TRHDE: variants seen among roughly 807,000 people sequenced by gnomAD.
TRHDE encodes thyrotropin-releasing hormone-degrading ectoenzyme.
Under a neutral mutation model 125.7 loss-of-function variants are expected in TRHDE, and 72 were observed. That is an observed-to-expected ratio of 0.57 (90% CI 0.47 to 0.70). The LOEUF (loss-of-function observed/expected upper bound fraction) is 0.70, where lower values mean the gene tolerates loss of function less well. Among genes scored for constraint, TRHDE ranks in the 30% least tolerant of loss-of-function variants. The pLI, the probability that TRHDE is intolerant of heterozygous loss-of-function variation, is 0.00. For missense variants in TRHDE, 1,110 were observed against 1,327.1 expected (o/e 0.84, Z 2.54); for synonymous variants, 509 against 509.1 (o/e 1.00, Z 0.00).
rs114165509 is a variant in TRHDE at position 72,087,881 on chromosome 12, G to A, written n.174+442G>A. 7.2e-3 allele frequency among the ~76,000 whole-genome samples: 1,092 copies of A among 152,198 alleles called. 9 individuals carry two copies. The highest frequency in any genetic ancestry group is 0.024 in the African/African-American group (998 of 41,532). On this transcript the variant is annotated intron_variant and non_coding_transcript_variant, in intron 1 of 4. Coordinates refer to the TRHDE transcript ENST00000548156. The stretch of plus-strand genomic sequence containing the variant: ...TCCTCCAGCACCATTTACCAGCCGA[G>A]GTGTAGGAGAACAGGAGGAGTAGGA...
At chr12:72,197,224 C>T (rs1302872625) in intron 2 of TRHDE, among the ~76,000 whole-genome samples, 2 of 151,956 alleles carry the variant, frequency 1.3e-5, no homozygotes, top group East Asian at 3.9e-4. Context: ...GGCGTGTTTC[C>T]TCACTTCCTT....
At chr12:72,304,338 A>G (rs955429766) in intron 2 of TRHDE, among the ~76,000 whole-genome samples, 3 of 152,170 alleles carry the variant, frequency 2.0e-5, no homozygotes, top group African/African-American at 7.2e-5. Flanking sequence ...GAAAGGAAAT[A>G]CCACCATAAG....
intron 2 of TRHDE, among the ~76,000 whole-genome samples, chr12:72,174,893 C>A (rs1334267190): frequency 2.0e-5 from 3 of 152,146 alleles, no homozygotes; most frequent in African/African-American, 7.2e-5. Context: ...CTACAGGGAG[C>A]TATATTGTCA....
intron 2 of TRHDE, among the ~76,000 whole-genome samples, chr12:72,121,304 C>T (rs1875575421): frequency 6.6e-6 from 1 of 152,196 alleles, no homozygotes; most frequent in Non-Finnish European, 1.5e-5. Flanking sequence ...GAATTGCAGT[C>T]CTTGTGGCCT....
chr12:72,557,552 TAA>T (rs1869981186), intron 7 of TRHDE, among the ~76,000 whole-genome samples: 1 of 152,194 alleles, frequency 6.6e-6, no homozygotes, highest in African/African-American at 2.4e-5. Flanking sequence ...CCTAGCATGC[TAA>T]AAGACTCATT....
chr12:72,198,643 T>C (rs1877492023), intron 2 of TRHDE, among the ~76,000 whole-genome samples: 1 of 152,220 alleles, frequency 6.6e-6, no homozygotes, highest in African/African-American at 2.4e-5. Flanking sequence ...CTGTCTGAAC[T>C]AGATATGTGG....
At chr12:72,192,029 C>G (rs953502715) in intron 2 of TRHDE, among the ~76,000 whole-genome samples, 2 of 152,102 alleles carry the variant, frequency 1.3e-5, no homozygotes, top group African/African-American at 2.4e-5. Flanking sequence ...TCTGTACTTT[C>G]CAGATCTCAC....
At chr12:72,109,565 C>T (rs1259276065) in intron 2 of TRHDE, among the ~76,000 whole-genome samples, 1 of 152,032 alleles carries the variant, frequency 6.6e-6, no homozygotes, top group Admixed American at 6.6e-5. Flanking sequence ...TATGGTGGCA[C>T]TTTCTCTAGT....
At chr12:72,159,926 C>T (rs1005173252) in intron 2 of TRHDE, among the ~76,000 whole-genome samples, 3 of 151,958 alleles carry the variant, frequency 2.0e-5, no homozygotes, top group Non-Finnish European at 4.4e-5. Context: ...TCTCATCTTA[C>T]ATCTCTCATT....
rs187421889 is a variant in TRHDE at position 72,408,169 on chromosome 12, A to T, written c.1315+30048A>T. Reference sequence around the variant, plus strand: ...GCATGATACTAGAGTAACCACTCTCAGACAAGCACTCTCTAATAGTGACAT... The same window carrying T: ...GCATGATACTAGAGTAACCACTCTCTGACAAGCACTCTCTAATAGTGACAT... On this transcript the variant is annotated intron_variant, in intron 3 of 18. Coordinates refer to ENST00000261180, the MANE Select transcript of TRHDE (RefSeq NM_013381.3). Among the ~76,000 whole-genome samples the T allele has an allele frequency of 3.7e-3, 565 of 152,302 alleles. 2 individuals are homozygous for T. The highest frequency in any genetic ancestry group is 0.012 in the African/African-American group (509 of 41,566).
At position 72,323,132 on chromosome 12, in the gene TRHDE, A is replaced by G. The variant is rs901277832; in HGVS notation, c.1188+36178A>G. Among the ~76,000 whole-genome samples, 3 of 152,184 alleles carry G rather than the reference A, an allele frequency of 2.0e-5. No individual in the cohort carries two copies. The East Asian group carries it at 5.8e-4, about 29-fold the overall frequency. Reference sequence around the variant, plus strand: ...GGGAAAGGGGAAAAGAAAGGTTACAAAAATGTGTCTATATAAAGCACAATG... The same window carrying G: ...GGGAAAGGGGAAAAGAAAGGTTACAGAAATGTGTCTATATAAAGCACAATG... On this transcript the variant is annotated intron_variant, in intron 2 of 18. Transcript: ENST00000261180.
chr12:72,482,419 T>A (rs1877216225), intron 5 of TRHDE, among the ~76,000 whole-genome samples: 2 of 151,902 alleles, frequency 1.3e-5, no homozygotes, highest in African/African-American at 4.8e-5. Flanking sequence ...ATTAGCAAAA[T>A]CATAGAATAA....
At position 72,548,185 on chromosome 12, in the gene TRHDE, G is replaced by A. The variant is rs543265981; in HGVS notation, c.1788+5829G>A. Among the ~76,000 whole-genome samples the A allele has an allele frequency of 2.0e-3, 303 of 151,728 alleles. 2 individuals are homozygous for A. The highest frequency in any genetic ancestry group is 6.9e-3 in the African/African-American group (286 of 41,452). ...CCAGTGTTGTTGAATTTCCCTTTCT[G>A]TGTGGTACCTGGAGTATAAATATAC... On this transcript the variant is annotated intron_variant, in intron 7 of 18. Transcript: ENST00000261180.
chr12:72,465,774 G>A (rs534285631), intron 3 of TRHDE, among the ~76,000 whole-genome samples: 2 of 152,196 alleles, frequency 1.3e-5, no homozygotes, highest in African/African-American at 2.4e-5. Flanking sequence ...ATAGAACAGA[G>A]CCACAATTAA....
At chr12:72,613,595 A>G (rs1872706274) in intron 12 of TRHDE, among the ~76,000 whole-genome samples, 1 of 152,192 alleles carries the variant, frequency 6.6e-6, no homozygotes, top group Non-Finnish European at 1.5e-5. Flanking sequence ...TGGGTGGAGC[A>G]TATTTCATTT....
intron 6 of TRHDE, among the ~76,000 whole-genome samples, chr12:72,513,510 C>G (rs181196064): frequency 2.6e-5 from 4 of 152,164 alleles, no homozygotes; most frequent in Admixed American, 1.3e-4. Flanking sequence ...TATCTAGAGA[C>G]TACATGTTGT....
chr12:72,482,173 G>C (rs954379930), intron 5 of TRHDE, among the ~76,000 whole-genome samples: 18 of 151,778 alleles, frequency 1.2e-4, no homozygotes. Context: ...TATGGAATTG[G>C]TATCTATCAG....
At chr12:72,384,989 A>G (rs528146618) in intron 3 of TRHDE, among the ~76,000 whole-genome samples, 1 of 152,174 alleles carries the variant, frequency 6.6e-6, no homozygotes, top group African/African-American at 2.4e-5. Context: ...CACTTATGTA[A>G]TACTATCTTG....
intron 1 of TRHDE, among the ~76,000 whole-genome samples, chr12:72,104,316 A>G (rs1044977519): frequency 6.6e-6 from 1 of 152,168 alleles, no homozygotes; most frequent in African/African-American, 2.4e-5. Flanking sequence ...TCAGCAGAGG[A>G]GAGAAGATGC....
Sources: gnomAD v4.1 joint callset for allele counts (sites outside exome capture counted in the v4.1 genomes callset) on GRCh38, gnomAD v4.1.1 for gene constraint, MANE v1.5 for transcripts, NCBI Gene and HGNC (gene_info 2026-07-23, HGNC 2026-07-21) for gene names.